GPR107: variants seen among roughly 807,000 people sequenced by gnomAD.
GPR107 encodes G protein-coupled receptor 107.
GPR107 carries 31 observed loss-of-function variants against 75.5 expected under a neutral mutation model. The ratio of observed to expected loss-of-function variants is 0.41; its 90% CI spans 0.31 to 0.55. The LOEUF is 0.55. Ranked by LOEUF, GPR107 falls within the 20% of genes least tolerant of loss-of-function variation. The probability of loss-of-function intolerance (pLI) is 0.26; values close to 1 mark genes in which losing one functional copy is unlikely to be tolerated. For synonymous variants in GPR107, 267 were observed against 251.3 expected (o/e 1.06, Z -0.59); for missense variants, 572 against 665.7 (o/e 0.86, Z 1.55).
At chr9:130,087,819 A>AAAAAAAAAAAAAAAAAAAC (rs1284359955) in intron 7 of GPR107, among the ~76,000 whole-genome samples, 1 of 150,756 alleles carries the variant, frequency 6.6e-6, no homozygotes, top group Non-Finnish European at 1.5e-5. Context: ...AAAAAAAAAA[A>AAAAAAAAAAAAAAAAAAAC]AAAAAAGCCT....
At chr9:130,119,251 C>T (rs945824277) in intron 14 of GPR107, among the ~76,000 whole-genome samples, 5 of 152,230 alleles carry the variant, frequency 3.3e-5, no homozygotes, top group Admixed American at 1.3e-4. Flanking sequence ...CATATGGCAG[C>T]GCTGCTTGCA....
At chr9:130,125,090 C>CCTTT in intron 15 of GPR107, 126 bp downstream of exon 15, 1 of 157,990 alleles carries the variant, frequency 6.3e-6, no homozygotes, top group Non-Finnish European at 1.1e-5. Flanking sequence ...GTGTGGCTTG[C>CCTTT]TTTTTTTTTT....
At chr9:130,107,986 G>A (rs1831201318) in intron 14 of GPR107, among the ~76,000 whole-genome samples, 1 of 152,246 alleles carries the variant, frequency 6.6e-6, no homozygotes, top group Non-Finnish European at 1.5e-5. Context: ...AGACTCTGAT[G>A]ACAGAAGGAA....
At chr9:130,107,929 G>T (rs1292384424) in intron 14 of GPR107, among the ~76,000 whole-genome samples, 1 of 152,228 alleles carries the variant, frequency 6.6e-6, no homozygotes, top group Non-Finnish European at 1.5e-5. Flanking sequence ...CCTGCCTGCT[G>T]ATTTAACACA....
chr9:130,077,460 G>A lies in GPR107; in HGVS notation c.386+82G>A, dbSNP rs998454321. ...AGTAGTATGCTAACATTCCTTGGGT[G>A]TCTGCCATGTGCCAGAGACCGTGCT... On this transcript the variant is annotated intron_variant, in intron 4 of 17. Transcript: ENST00000347136. The A allele has an allele frequency of 7.7e-6, 6 of 780,756 alleles. No individual in the cohort carries two copies. In the African/African-American group the frequency reaches 1.0e-4, roughly 13 times the overall value. The allele number at this position is 780,756 out of a possible 1,614,324, so 48.4% of individuals were successfully genotyped here. A position where few individuals can be genotyped will look rare whatever the true frequency, so the allele number is the denominator to read the frequency against.
At chr9:130,100,292 C>T (rs1482603813) in intron 10 of GPR107, among the ~76,000 whole-genome samples, 1 of 152,158 alleles carries the variant, frequency 6.6e-6, no homozygotes, top group Non-Finnish European at 1.5e-5. Flanking sequence ...AAAATTGATG[C>T]TATAAAGCTG....
intron 6 of GPR107, among the ~76,000 whole-genome samples, chr9:130,084,783 A>T (rs1830577528): frequency 6.6e-6 from 1 of 152,014 alleles, no homozygotes; most frequent in African/African-American, 2.4e-5. Flanking sequence ...CTCAAAAAAA[A>T]AAAAAAGGAA....
rs934044552 is a variant in GPR107, at chr9:130,137,039, A to C, written c.*1918A>C. 2 of 152,240 alleles carry C rather than the reference A, an allele frequency of 1.3e-5. No homozygotes were observed. Among genetic ancestry groups the C allele is most frequent in the African/African-American group, 4.8e-5 (2 of 41,470 alleles). 9.4% of individuals were successfully genotyped at this position (152,240 alleles called of 1,614,324 possible). On this transcript the variant is annotated 3_prime_UTR_variant, in exon 18 of 18. Coordinates refer to ENST00000347136, the MANE Select transcript of GPR107 (RefSeq NM_020960.5). ...GCAGAAACATAATACCAGTTTTCGC[A>C]GAAATGTGTCTCAATCTGTGACTAC...
intron 14 of GPR107, among the ~76,000 whole-genome samples, chr9:130,122,986 C>T (rs1450044349): frequency 6.6e-6 from 1 of 151,968 alleles, no homozygotes; most frequent in Non-Finnish European, 1.5e-5. Context: ...AGAGCAAGAC[C>T]TCTCTCAAAA....
chr9:130,091,609 A>G (rs1830741701), intron 8 of GPR107, among the ~76,000 whole-genome samples: 1 of 149,656 alleles, frequency 6.7e-6, no homozygotes, highest in South Asian at 2.1e-4. Context: ...CCTCACCGCA[A>G]CCTCCATCTC....
In GPR107 at chr9:130,077,350, C is replaced by A; in HGVS notation, c.358C>A (p.Leu120Ile). 6.4e-7 allele frequency: 1 copy of A among 1,559,340 alleles called. No homozygotes were observed. Among genetic ancestry groups the A allele is most frequent in the Non-Finnish European group, 8.8e-7 (1 of 1,130,004 alleles). Residue 120 changes from leucine to isoleucine, a missense_variant, in exon 4 of 18, where the codon CTT becomes ATT. Coordinates refer to ENST00000347136, the MANE Select transcript of GPR107 (RefSeq NM_020960.5). ...ILKKQSVSVT[L>I]LILDISRSEV... ...AAAGAAACAGTCTGTCTCTGTCACC[C>A]TTTTAATCCTAGACATCTCCAGAAG...
At chr9:130,054,375 C>T (rs1829679825) in intron 1 of GPR107, among the ~76,000 whole-genome samples, 1 of 152,208 alleles carries the variant, frequency 6.6e-6, no homozygotes, top group Admixed American at 6.5e-5. Context: ...TCCCTGAATT[C>T]CTCACTCAGG....
rs115626053 is a variant in GPR107 at position 130,112,268 on chromosome 9, G to A, written c.1306+4729G>A. ...GTTGATGGAGGAACGGCTTCATTCC[G>A]AGGTGCCGCCGTGCTCTGAAAGGAG... On this transcript the variant is annotated intron_variant, in intron 14 of 17. Transcript: ENST00000347136. The surrounding 1 kb of genome is among the most constrained non-coding windows in gnomAD (Gnocchi z 4.0). Among the ~76,000 whole-genome samples the A allele has an allele frequency of 5.3e-3, 804 of 152,304 alleles. 7 individuals carry two copies. Among genetic ancestry groups the A allele is most frequent in the African/African-American group, 0.018 (764 of 41,574 alleles).
chr9:130,120,043 C>G (rs1831514146), intron 14 of GPR107, among the ~76,000 whole-genome samples: 1 of 152,154 alleles, frequency 6.6e-6, no homozygotes, highest in Non-Finnish European at 1.5e-5. Flanking sequence ...CCAGGCTGGT[C>G]TCTCCCTCCG....
intron 14 of GPR107, among the ~76,000 whole-genome samples, chr9:130,113,223 CCTAA>C (rs1831347794): frequency 1.3e-5 from 2 of 149,244 alleles, no homozygotes; most frequent in African/African-American, 2.5e-5. Context: ...CTGACAGTTT[CCTAA>C]CTGACAGTTT....
At chr9:130,128,376 T>G (rs544575089) in intron 16 of GPR107, among the ~76,000 whole-genome samples, 1 of 152,350 alleles carries the variant, frequency 6.6e-6, no homozygotes, top group East Asian at 1.9e-4. Context: ...GAAGTGGGTA[T>G]GTGGTGAGCT....
At chr9:130,110,260 T>C in intron 14 of GPR107, 2 of 698,198 alleles carry the variant, frequency 2.9e-6, no homozygotes, top group South Asian at 3.1e-5. Context: ...TGAGGCAGCA[T>C]GGGGTCAGCG....
intron 17 of GPR107, among the ~76,000 whole-genome samples, chr9:130,130,763 G>A (rs370490931): frequency 6.6e-6 from 1 of 152,106 alleles, no homozygotes; most frequent in South Asian, 2.1e-4. Context: ...CCAGCTACTC[G>A]GGAGGCTGAA....
chr9:130,104,312 T>A (rs1831107049), intron 12 of GPR107, 108 bp from the exon 13 acceptor site: 1 of 858,064 alleles, frequency 1.2e-6, no homozygotes. Context: ...AATGCTGTGG[T>A]CGCAGATCGT....
Sources: allele counts gnomAD v4.1 joint callset (sites outside exome capture counted in the v4.1 genomes callset), GRCh38; gene constraint gnomAD v4.1.1; non-coding constraint Gnocchi (gnomAD v3.1); transcripts MANE v1.5; gene names NCBI Gene and HGNC (gene_info 2026-07-23, HGNC 2026-07-21).